RSU1: variants seen among roughly 807,000 people sequenced by gnomAD.
RSU1 encodes the protein rsu-1.
RSU1 carries 26 observed loss-of-function variants against 31.1 expected under a neutral mutation model. The observed-to-expected ratio is 0.84, with a 90% CI of 0.61 to 1.16. The LOEUF (loss-of-function observed/expected upper bound fraction) is 1.16. RSU1 is among the 50% of genes most tolerant of loss of function. RSU1 has a pLI of 0.00. For missense variants in RSU1, 320 were observed against 339.1 expected, an observed-to-expected ratio of 0.94 and a Z score of 0.44; for synonymous variants, 164 against 136.3, an observed-to-expected ratio of 1.20 and a Z score of -1.41.
At chr10:16,613,936 A>G (rs551017757) in intron 8 of RSU1, among the ~76,000 whole-genome samples, 2 of 152,328 alleles carry the variant, frequency 1.3e-5, no homozygotes, top group South Asian at 4.1e-4. Context: ...TTGCCAGGCT[A>G]TATTCCTTGG....
chr10:16,685,824 G>T (rs981504730), intron 8 of RSU1, among the ~76,000 whole-genome samples: 1 of 152,114 alleles, frequency 6.6e-6, no homozygotes, highest in African/African-American at 2.4e-5. Context: ...GAGTCGCTCT[G>T]GTTCATGCGT....
At chr10:16,701,290 C>T (rs377006632) in intron 7 of RSU1, among the ~76,000 whole-genome samples, 31 of 152,326 alleles carry the variant, frequency 2.0e-4, no homozygotes, top group East Asian at 1.3e-3. Flanking sequence ...GAACATCACG[C>T]TTGTGGCCCA....
intron 2 of RSU1, among the ~76,000 whole-genome samples, chr10:16,785,172 C>T (rs927467745): frequency 1.3e-5 from 2 of 152,212 alleles, no homozygotes; most frequent in Admixed American, 6.5e-5. Flanking sequence ...CAGCTGCCAG[C>T]ATGGCCAGGA....
intron 7 of RSU1, among the ~76,000 whole-genome samples, chr10:16,750,208 C>A (rs1836947800): frequency 6.6e-6 from 1 of 152,060 alleles, no homozygotes; most frequent in Non-Finnish European, 1.5e-5. Flanking sequence ...AAAAAATCAC[C>A]ATTCAAAAAT....
Position 16,647,120 on chromosome 10 carries a change from G to A in RSU1, c.731+47903C>T, listed in dbSNP as rs144856712. On this transcript the variant is annotated intron_variant, in intron 8 of 8. Coordinates refer to ENST00000345264, the MANE Select transcript of RSU1 (RefSeq NM_012425.4). Reference sequence around the variant, plus strand: ...AGCCTCCTGAGTAGCTAACATATGCGTGCCAATGCACCCAGCTCATTTTTT... The same window carrying A: ...AGCCTCCTGAGTAGCTAACATATGCATGCCAATGCACCCAGCTCATTTTTT... 8.6e-5 allele frequency among the ~76,000 whole-genome samples: 13 copies of A among 152,038 alleles called. No individual in the cohort carries two copies. The East Asian group carries it at 1.5e-3, about 18-fold the overall frequency.
intron 7 of RSU1, among the ~76,000 whole-genome samples, chr10:16,702,624 C>G (rs963913039): frequency 1.3e-5 from 2 of 152,218 alleles, no homozygotes; most frequent in Admixed American, 1.3e-4. Flanking sequence ...TGGCCAATTT[C>G]TCCCTACTGG....
At chr10:16,770,949 T>C (rs1837412945) in intron 3 of RSU1, among the ~76,000 whole-genome samples, 1 of 138,028 alleles carries the variant, frequency 7.2e-6, no homozygotes, top group Non-Finnish European at 1.5e-5. Context: ...ACCTGACATA[T>C]TGCTATTTAA....
chr10:16,782,301 G>C (rs1235713018), intron 2 of RSU1, among the ~76,000 whole-genome samples: 1 of 152,198 alleles, frequency 6.6e-6, no homozygotes, highest in Non-Finnish European at 1.5e-5. Context: ...AGCTCAGCAA[G>C]TTAGAGCTAA....
intron 8 of RSU1, among the ~76,000 whole-genome samples, chr10:16,636,795 C>T (rs1417705491): frequency 6.6e-6 from 1 of 152,124 alleles, no homozygotes; most frequent in Admixed American, 6.6e-5. Context: ...TCTGCACATC[C>T]TTTAGGTCTC....
chr10:16,695,490 T>C (rs17139040), intron 7 of RSU1, among the ~76,000 whole-genome samples: 2,151 of 152,334 alleles, frequency 0.014, 52 homozygotes, highest in African/African-American at 0.049. Flanking sequence ...AAATTCTATC[T>C]TGACCATGTC....
chr10:16,749,196 A>T (rs1295856235), intron 7 of RSU1, among the ~76,000 whole-genome samples: 1 of 152,218 alleles, frequency 6.6e-6, no homozygotes, highest in Non-Finnish European at 1.5e-5. Context: ...ACTACTTAAG[A>T]ACCAGACATA....
chr10:16,711,504 T>C (rs1344627099), intron 7 of RSU1, among the ~76,000 whole-genome samples: 1 of 152,204 alleles, frequency 6.6e-6, no homozygotes, highest in Non-Finnish European at 1.5e-5. Flanking sequence ...ATCTCTCTTC[T>C]TTTCTAATGT....
chr10:16,660,645 C>CTTTTT lies in RSU1; in HGVS notation c.731+34373_731+34377dup, dbSNP rs796601054. 1.0e-3 allele frequency among the ~76,000 whole-genome samples: 82 copies of CTTTTT among 79,538 alleles called. 8 individuals are homozygous for CTTTTT. The highest frequency in any genetic ancestry group is 2.3e-3 in the South Asian group (4 of 1,722). 52.2% of individuals were successfully genotyped at this position (79,538 alleles called of 152,430 possible). A position where few individuals can be genotyped will look rare whatever the true frequency, so the allele number is the denominator to read the frequency against. On this transcript the variant is annotated intron_variant, in intron 8 of 8. Coordinates refer to ENST00000345264, the MANE Select transcript of RSU1 (RefSeq NM_012425.4). The stretch of plus-strand genomic sequence containing the variant: ...TCCAGTTCATTTATTCTTGAACTCT[C>CTTTTT]TTTTTTTTTTTTTTTTTTTGAGGAA...
intron 2 of RSU1, among the ~76,000 whole-genome samples, chr10:16,787,129 T>G (rs1837807255): frequency 6.6e-6 from 1 of 152,170 alleles, no homozygotes; most frequent in South Asian, 2.1e-4. Context: ...GTTCATAATC[T>G]GGAGACAAAA....
intron 3 of RSU1, among the ~76,000 whole-genome samples, chr10:16,780,628 A>G (rs1837630958): frequency 6.6e-6 from 1 of 152,244 alleles, no homozygotes; most frequent in Non-Finnish European, 1.5e-5. Context: ...TTAGCAATTA[A>G]GAAATACTTT....
chr10:16,797,143 C>T (rs1344704995), intron 2 of RSU1, among the ~76,000 whole-genome samples: 2 of 152,154 alleles, frequency 1.3e-5, no homozygotes, highest in Non-Finnish European at 2.9e-5. Flanking sequence ...AACTGACCAC[C>T]TAGGGCTCCC....
intron 8 of RSU1, among the ~76,000 whole-genome samples, chr10:16,596,923 A>T (rs1833624091): frequency 6.6e-6 from 1 of 152,148 alleles, no homozygotes; most frequent in South Asian, 2.1e-4. Context: ...GGGTTTCGCC[A>T]CGTTGGACAT....
At chr10:16,685,603 G>C (rs116025825) in intron 8 of RSU1, among the ~76,000 whole-genome samples, 3,925 of 152,308 alleles carry the variant, frequency 0.026, 179 homozygotes, top group African/African-American at 0.09. Context: ...GAGGGTAGCA[G>C]TGAGGACGAC....
intron 3 of RSU1, among the ~76,000 whole-genome samples, chr10:16,772,022 C>T (rs1444967417): frequency 1.3e-5 from 2 of 152,202 alleles, no homozygotes; most frequent in African/African-American, 2.4e-5. Flanking sequence ...CCCAAAAGCA[C>T]ACGCTCACTC....
Sources: allele counts gnomAD v4.1 joint callset (sites outside exome capture counted in the v4.1 genomes callset), GRCh38; gene constraint gnomAD v4.1.1; transcripts MANE v1.5; gene names NCBI Gene and HGNC (gene_info 2026-07-23, HGNC 2026-07-21).